RAB6B: variants seen among roughly 807,000 people sequenced by gnomAD.
The protein encoded by RAB6B is RAB6B, member RAS oncogene family.
RAB6B carries 7 observed loss-of-function variants against 31.2 expected under a neutral mutation model. That is an observed-to-expected ratio of 0.22 (90% CI 0.13 to 0.42). RAB6B has a LOEUF of 0.42. Ranked by LOEUF, RAB6B falls within the 10% of genes least tolerant of loss-of-function variation. The probability of loss-of-function intolerance (pLI) is 1.00; values close to 1 mark genes in which losing one functional copy is unlikely to be tolerated. For synonymous variants in RAB6B, 105 were observed against 104.9 expected (o/e 1.00, Z -0.01); for missense variants, 149 against 280.6 (o/e 0.53, Z 3.35).
intron 4 of RAB6B, among the ~76,000 whole-genome samples, chr3:133,840,602 A>G (rs564188099): frequency 6.6e-6 from 1 of 152,254 alleles, no homozygotes; most frequent in Admixed American, 6.5e-5. Context: ...AAGGCTGTGG[A>G]CAGCACCTAG....
chr3:133,887,710 C>G (rs1039299244), intron 1 of RAB6B, among the ~76,000 whole-genome samples: 30 of 152,170 alleles, frequency 2.0e-4, no homozygotes, highest in African/African-American at 7.2e-4. Context: ...GGAATAGAAT[C>G]AGGGTCTTCA....
intron 2 of RAB6B, among the ~76,000 whole-genome samples, chr3:133,848,753 C>CTT (rs1249421705): frequency 3.4e-5 from 5 of 145,480 alleles, no homozygotes; most frequent in Non-Finnish European, 1.5e-5. Context: ...AAAGGCTCCA[C>CTT]TTTTTTTTTT....
chr3:133,881,769 TG>T (rs2108012681), intron 1 of RAB6B, among the ~76,000 whole-genome samples: 1 of 152,334 alleles, frequency 6.6e-6, no homozygotes, highest in South Asian at 2.1e-4. Context: ...TGGACCAGGC[TG>T]GCTACTTAAC....
chr3:133,844,031 G>A (rs1446927845), intron 2 of RAB6B, among the ~76,000 whole-genome samples: 5 of 152,182 alleles, frequency 3.3e-5, no homozygotes, highest in Admixed American at 2.0e-4. Context: ...TCTCTCAAAG[G>A]TAGGCACCTG....
At position 133,857,426 on chromosome 3, in the gene RAB6B, G is replaced by GA. The variant is rs71136497; in HGVS notation, c.129+7157dup. On this transcript the variant is annotated intron_variant, in intron 2 of 7. Transcript: ENST00000285208. Reference sequence around the variant, plus strand: ...TTAAACCTAGGCCTCTTTTTGAAGGGAAAAAAAAAAAAAAAAAAAAAAGGA... The same window carrying GA: ...TTAAACCTAGGCCTCTTTTTGAAGGGAAAAAAAAAAAAAAAAAAAAAAAGGA... Among the ~76,000 whole-genome samples the GA allele has an allele frequency of 1.0e-3, 121 of 119,790 alleles. 1 individual carries two copies. The highest frequency in any genetic ancestry group is 3.4e-3 in the South Asian group (12 of 3,536). The allele number at this position is 119,790 out of a possible 152,430, so 78.6% of individuals were successfully genotyped here.
chr3:133,879,262 GC>G (rs1260961430), intron 1 of RAB6B, among the ~76,000 whole-genome samples: 5 of 152,102 alleles, frequency 3.3e-5, no homozygotes, highest in African/African-American at 4.8e-5. Flanking sequence ...TTAATTACAC[GC>G]ACACATCCAT....
intron 5 of RAB6B, among the ~76,000 whole-genome samples, chr3:133,838,908 A>G (rs1463180353): frequency 6.6e-6 from 1 of 152,230 alleles, no homozygotes; most frequent in Non-Finnish European, 1.5e-5. Context: ...TGCCCAAGTC[A>G]GGGTCATGTA....
At chr3:133,860,523 C>G (rs1168133986) in intron 2 of RAB6B, among the ~76,000 whole-genome samples, 1 of 152,228 alleles carries the variant, frequency 6.6e-6, no homozygotes, top group East Asian at 1.9e-4. Flanking sequence ...TTAAGGCACT[C>G]TGCGGCAATT....
intron 2 of RAB6B, among the ~76,000 whole-genome samples, chr3:133,856,972 G>C (rs1358705850): frequency 2.0e-5 from 3 of 152,178 alleles, no homozygotes; most frequent in Non-Finnish European, 4.4e-5. Flanking sequence ...CATGTTGCTA[G>C]AGTTAACCGA....
At chr3:133,884,783 G>A (rs1043955415) in intron 1 of RAB6B, among the ~76,000 whole-genome samples, 4 of 151,728 alleles carry the variant, frequency 2.6e-5, no homozygotes, top group African/African-American at 9.7e-5. Flanking sequence ...AGGACAGGGG[G>A]CCCCACATAT....
chr3:133,884,925 A>G (rs1249902342), intron 1 of RAB6B, among the ~76,000 whole-genome samples: 31 of 123,288 alleles, frequency 2.5e-4, no homozygotes, highest in African/African-American at 9.6e-4. Flanking sequence ...TATCCCAATA[A>G]CCAGAGGATG....
intron 1 of RAB6B, among the ~76,000 whole-genome samples, chr3:133,868,074 C>T (rs918459002): frequency 3.9e-5 from 6 of 152,138 alleles, no homozygotes; most frequent in African/African-American, 1.4e-4. Context: ...AAAAGGAGCT[C>T]CTCTTGTCCA....
chr3:133,870,462 G>A (rs1008305859), intron 1 of RAB6B, among the ~76,000 whole-genome samples: 1 of 152,168 alleles, frequency 6.6e-6, no homozygotes, highest in Non-Finnish European at 1.5e-5. Flanking sequence ...CAGAGATGGA[G>A]GATCTCAGTG....
chr3:133,837,806 C>T (rs1935760362), intron 6 of RAB6B, among the ~76,000 whole-genome samples: 1 of 152,212 alleles, frequency 6.6e-6, no homozygotes, highest in African/African-American at 2.4e-5. Flanking sequence ...TTGAATTTTC[C>T]TGCACCTGTC....
intron 1 of RAB6B, among the ~76,000 whole-genome samples, chr3:133,882,296 C>T (rs1020678268): frequency 6.6e-6 from 1 of 152,162 alleles, no homozygotes; most frequent in Admixed American, 6.5e-5. Context: ...GAACCTTTGC[C>T]GTACAACATA....
intron 2 of RAB6B, among the ~76,000 whole-genome samples, chr3:133,858,936 T>G (rs1936120512): frequency 6.6e-6 from 1 of 152,192 alleles, no homozygotes; most frequent in African/African-American, 2.4e-5. Flanking sequence ...TGGCCTACTT[T>G]AGAGGTAGGA....
At chr3:133,833,677 C>T (rs1050227128) in intron 7 of RAB6B, among the ~76,000 whole-genome samples, 3 of 152,198 alleles carry the variant, frequency 2.0e-5, no homozygotes, top group Non-Finnish European at 2.9e-5. Flanking sequence ...TTTGATCTGT[C>T]AGGGATGTCT....
intron 1 of RAB6B, among the ~76,000 whole-genome samples, chr3:133,865,301 C>T (rs1559908650): frequency 6.6e-6 from 1 of 152,226 alleles, no homozygotes; most frequent in African/African-American, 2.4e-5. Context: ...TCTGCAAATG[C>T]CCTGTAGGGG....
At chr3:133,838,125 G>A (rs1469571163) in intron 6 of RAB6B, 41 bp downstream of exon 6, 2 of 285,168 alleles carry the variant, frequency 7.0e-6, no homozygotes, top group Admixed American at 4.3e-5. Flanking sequence ...GCTACACCGT[G>A]CCGGGCCCCG....
Sources: gnomAD v4.1 joint callset for allele counts (sites outside exome capture counted in the v4.1 genomes callset) on GRCh38, gnomAD v4.1.1 for gene constraint, MANE v1.5 for transcripts, NCBI Gene and HGNC (gene_info 2026-07-23, HGNC 2026-07-21) for gene names.